The following DPYD variants were observed in gnomAD, a reference collection of about 807,000 sequenced individuals.
DPYD encodes the protein dihydropyrimidine dehydrogenase [NADP(+)].
A neutral mutation model predicts 116.2 loss-of-function variants in DPYD; 109 were observed. That is an observed-to-expected ratio of 0.94 (90% CI 0.80 to 1.10). The LOEUF (loss-of-function observed/expected upper bound fraction) is 1.10. Among genes scored for constraint, DPYD ranks in the 50% least tolerant of loss-of-function variants. DPYD has a pLI of 0.00. For missense variants in DPYD, 1,302 were observed against 1,254.5 expected (o/e 1.04, Z -0.57); for synonymous variants, 440 against 432.0 (o/e 1.02, Z -0.23).
intron 12 of DPYD, among the ~76,000 whole-genome samples, chr1:97,530,223 T>C (rs1156947705): frequency 8.5e-6 from 1 of 117,360 alleles, no homozygotes; most frequent in South Asian, 2.7e-4. Context: ...TCTTTTTTTT[T>C]TTTTTTTTTT....
chr1:97,718,458 A>G (rs1376081255), intron 5 of DPYD, among the ~76,000 whole-genome samples: 3 of 152,010 alleles, frequency 2.0e-5, no homozygotes, highest in Admixed American at 6.6e-5. Flanking sequence ...AAAATCTTAT[A>G]AAATGTTTTT....
At chr1:97,231,580 C>A (rs891403250) in intron 19 of DPYD, among the ~76,000 whole-genome samples, 2 of 152,212 alleles carry the variant, frequency 1.3e-5, no homozygotes, top group African/African-American at 4.8e-5. Context: ...GAAAGACCTG[C>A]CCCCATGATT....
intron 3 of DPYD, chr1:97,797,816 G>C (rs1667648660): frequency 6.6e-6 from 1 of 151,998 alleles, no homozygotes; most frequent in South Asian, 2.1e-4. Flanking sequence ...CTTTTTTAAA[G>C]TATATATTTG....
At chr1:97,281,168 A>G (rs1665297008) in intron 18 of DPYD, among the ~76,000 whole-genome samples, 1 of 152,130 alleles carries the variant, frequency 6.6e-6, no homozygotes, top group African/African-American at 2.4e-5. Context: ...AGGAGAAACA[A>G]AACAAAATAA....
At chr1:97,528,460 G>A (rs1341757727) in intron 12 of DPYD, among the ~76,000 whole-genome samples, 1 of 152,098 alleles carries the variant, frequency 6.6e-6, no homozygotes, top group Non-Finnish European at 1.5e-5. Flanking sequence ...ATAATGGTCA[G>A]CATATCTGGA....
intron 19 of DPYD, among the ~76,000 whole-genome samples, chr1:97,206,416 G>A (rs548249244): frequency 6.6e-6 from 1 of 151,538 alleles, no homozygotes; most frequent in South Asian, 2.1e-4. Flanking sequence ...ATAGCACCTT[G>A]GGTAAGTATT....
chr1:97,612,169 T>C (rs1190403373), intron 8 of DPYD, among the ~76,000 whole-genome samples: 1 of 152,034 alleles, frequency 6.6e-6, no homozygotes, highest in Non-Finnish European at 1.5e-5. Context: ...TGGTGTTGCA[T>C]TTTTAAATTC....
rs533444481 is a variant in DPYD, at chr1:97,275,958, T to A, written c.2299+29301A>T. The stretch of plus-strand genomic sequence containing the variant: ...TGTTCATAAAATGCTAAAATAGCCA[T>A]TGGACCTCTTTTTTTTCTTTATCTG... On this transcript the variant is annotated intron_variant, in intron 18 of 22. Coordinates refer to ENST00000370192, the MANE Select transcript of DPYD (RefSeq NM_000110.4). 2.8e-5 allele frequency among the ~76,000 whole-genome samples: 4 copies of A among 141,802 alleles called. No homozygotes were observed. In the South Asian group the frequency reaches 8.6e-4, roughly 30 times the overall value. The allele number at this position is 141,802 out of a possible 152,430, so 93.0% of individuals were successfully genotyped here. A position where few individuals can be genotyped will look rare whatever the true frequency, so the allele number is the denominator to read the frequency against.
chr1:97,180,360 T>C (rs1657563817), intron 20 of DPYD, among the ~76,000 whole-genome samples: 1 of 152,120 alleles, frequency 6.6e-6, no homozygotes, highest in Admixed American at 6.6e-5. Context: ...ATATAACAAA[T>C]ACATGTTTTT....
In DPYD at chr1:97,382,606, T is replaced by C. The variant is rs114137489; in HGVS notation, c.1906-145A>G. 1.3e-3 allele frequency: 629 copies of C among 485,172 alleles called. 3 individuals are homozygous for C. The highest frequency in any genetic ancestry group is 0.012 in the African/African-American group (594 of 49,760). The allele number at this position is 485,172 out of a possible 1,614,324, so 30.1% of individuals were successfully genotyped here. ...TGTGAAAAAATAAATCATTAGAAAA[T>C]AGCAGGGTAAGATAGCAAAACACTG... On this transcript the variant is annotated intron_variant, in intron 14 of 22. Coordinates refer to ENST00000370192, the MANE Select transcript of DPYD (RefSeq NM_000110.4).
chr1:97,802,995 C>T (rs1371038437), intron 3 of DPYD, among the ~76,000 whole-genome samples: 1 of 151,814 alleles, frequency 6.6e-6, no homozygotes, highest in Non-Finnish European at 1.5e-5. Context: ...TCTTACATGC[C>T]TTCAACATAA....
chr1:97,402,991 T>A (rs544524882), intron 14 of DPYD, among the ~76,000 whole-genome samples: 1 of 152,126 alleles, frequency 6.6e-6, no homozygotes, highest in Non-Finnish European at 1.5e-5. Context: ...ATTCTTTTTA[T>A]ACATTGTTGC....
intron 3 of DPYD, among the ~76,000 whole-genome samples, chr1:97,758,146 A>C (rs750813889): frequency 6.6e-6 from 1 of 152,186 alleles, no homozygotes; most frequent in African/African-American, 2.4e-5. Context: ...CATTGAAAAA[A>C]CACTGGACAA....
chr1:97,639,697 T>C (rs1298976316), intron 8 of DPYD, among the ~76,000 whole-genome samples: 1 of 152,156 alleles, frequency 6.6e-6, no homozygotes, highest in Admixed American at 6.6e-5. Flanking sequence ...TAAGGGTGTG[T>C]GTATGTGAAC....
At chr1:97,374,730 A>G (rs1296940375) in intron 15 of DPYD, among the ~76,000 whole-genome samples, 2 of 104,294 alleles carry the variant, frequency 1.9e-5, no homozygotes, top group African/African-American at 2.7e-5. Context: ...AAAAAAAAAA[A>G]AAAAAAAAAA....
At chr1:97,096,903 G>T (rs773505122) in intron 21 of DPYD, among the ~76,000 whole-genome samples, 10 of 152,096 alleles carry the variant, frequency 6.6e-5, no homozygotes, top group Non-Finnish European at 1.2e-4. Context: ...ACATTTAAGA[G>T]CTGTAACACT....
chr1:97,153,252 C>T (rs1655165104), intron 20 of DPYD, among the ~76,000 whole-genome samples: 1 of 152,022 alleles, frequency 6.6e-6, no homozygotes, highest in South Asian at 2.1e-4. Context: ...GATTTAGGTT[C>T]AGATGGGGAA....
At chr1:97,136,347 G>A (rs1653796632) in intron 20 of DPYD, among the ~76,000 whole-genome samples, 1 of 152,104 alleles carries the variant, frequency 6.6e-6, no homozygotes, top group South Asian at 2.1e-4. Context: ...ATCACCCTAT[G>A]AGGTCAGTAC....
At chr1:97,081,324 C>A (rs1001751373) in intron 22 of DPYD, among the ~76,000 whole-genome samples, 2 of 151,648 alleles carry the variant, frequency 1.3e-5, no homozygotes, top group African/African-American at 4.8e-5. Flanking sequence ...TTACTTATAG[C>A]TTGAAAAATA....
Sources: allele counts gnomAD v4.1 joint callset (sites outside exome capture counted in the v4.1 genomes callset), GRCh38; gene constraint gnomAD v4.1.1; transcripts MANE v1.5; gene names NCBI Gene and HGNC (gene_info 2026-07-23, HGNC 2026-07-21).